Variants in PRKN observed in about 807,000 individuals in gnomAD.
PRKN encodes the protein E3 ubiquitin-protein ligase parkin.
A neutral mutation model predicts 59.5 loss-of-function variants in PRKN; 56 were observed. That is an observed-to-expected ratio of 0.94 (90% CI 0.76 to 1.18). The LOEUF is 1.18. Ranked by LOEUF, PRKN falls within the 50% of genes most tolerant of loss-of-function variation. The pLI, the probability that PRKN is intolerant of heterozygous loss-of-function variation, is 0.00. For missense variants in PRKN, 657 were observed against 596.4 expected, an observed-to-expected ratio of 1.10 and a Z score of -1.06; for synonymous variants, 250 against 222.1, an observed-to-expected ratio of 1.13 and a Z score of -1.12.
At chr6:162,338,179 T>C (rs1783935068) in intron 2 of PRKN, among the ~76,000 whole-genome samples, 2 of 152,144 alleles carry the variant, frequency 1.3e-5, no homozygotes, top group Non-Finnish European at 2.9e-5. Flanking sequence ...TGTACAATTA[T>C]AACCACAGCA....
chr6:162,027,310 T>C (rs539733937), intron 5 of PRKN, among the ~76,000 whole-genome samples: 8 of 150,150 alleles, frequency 5.3e-5, no homozygotes, highest in Middle Eastern at 3.4e-3. Context: ...AATCTTGACA[T>C]GTTTCAATGT....
intron 2 of PRKN, among the ~76,000 whole-genome samples, chr6:162,421,596 A>C (rs1005104192): frequency 1.3e-5 from 2 of 152,218 alleles, no homozygotes; most frequent in African/African-American, 4.8e-5. Flanking sequence ...ATCATTGTCT[A>C]TTAACTCAGG....
intron 1 of PRKN, among the ~76,000 whole-genome samples, chr6:162,583,334 T>TAGCCTTTAG (rs1780863349): frequency 6.6e-6 from 1 of 152,142 alleles, no homozygotes; most frequent in Non-Finnish European, 1.5e-5. Context: ...TAGAAAGAGG[T>TAGCCTTTAG]ATAGGGTTTA....
chr6:162,319,547 C>T (rs1274134040), intron 2 of PRKN, among the ~76,000 whole-genome samples: 1 of 151,954 alleles, frequency 6.6e-6, no homozygotes, highest in Non-Finnish European at 1.5e-5. Flanking sequence ...TTAAAATTTT[C>T]CCCAATAAGG....
intron 10 of PRKN, among the ~76,000 whole-genome samples, chr6:161,374,553 G>GTAT (rs1785580194): frequency 9.1e-6 from 1 of 109,982 alleles, no homozygotes; most frequent in Admixed American, 9.7e-5. Context: ...TGTGGTGTGT[G>GTAT]ATGTGTGTGT....
rs147756270 is a variant in PRKN, at chr6:161,545,427, C to T, written c.1083+3427G>A. 2,478 of 1,610,606 alleles carry T rather than the reference C, an allele frequency of 1.5e-3. 26 individuals carry two copies. The African/African-American group carries it at 0.03, about 19-fold the overall frequency. On this transcript the variant is annotated intron_variant, in intron 9 of 11. Coordinates refer to ENST00000366898, the MANE Select transcript of PRKN (RefSeq NM_004562.3). The surrounding 1 kb of genome is among the most constrained non-coding windows in gnomAD (Gnocchi z 4.1). ...CCCTGAGGCAGCTTATTTTGTTCTT[C>T]GTTGTCCATACTGTGAGAGCAAAGA... is the stretch of plus-strand genomic sequence containing the variant.
chr6:162,559,760 T>C (rs1490757185), intron 1 of PRKN, among the ~76,000 whole-genome samples: 1 of 152,238 alleles, frequency 6.6e-6, no homozygotes, highest in East Asian at 1.9e-4. Context: ...TAGCCTCTTA[T>C]TCCTCACCAG....
intron 2 of PRKN, among the ~76,000 whole-genome samples, chr6:162,306,496 C>A (rs560745420): frequency 6.6e-6 from 1 of 152,286 alleles, no homozygotes; most frequent in East Asian, 1.9e-4. Flanking sequence ...AATCCCTACA[C>A]GTGCTGTAGA....
intron 5 of PRKN, among the ~76,000 whole-genome samples, chr6:161,987,842 C>A (rs1389018739): frequency 6.6e-6 from 1 of 152,156 alleles, no homozygotes; most frequent in Non-Finnish European, 1.5e-5. Context: ...TATCTCTCCT[C>A]TATTTTTTGA....
Position 161,447,714 on chromosome 6 carries a change from C to T in PRKN, c.1084-60837G>A, listed in dbSNP as rs542515147. Among the ~76,000 whole-genome samples, 5 of 152,276 alleles carry T rather than the reference C, an allele frequency of 3.3e-5. No individual in the cohort carries two copies. The highest frequency in any genetic ancestry group is 3.9e-4 in the East Asian group (2 of 5,178). ...TTCACCGTGTAAGCTAGGATGGTCT[C>T]GATCTCCTGACCTCATGATCAGCCC... On this transcript the variant is annotated intron_variant, in intron 9 of 11. Transcript: ENST00000366898. This position sits in a 1 kb window ranked among gnomAD's most constrained non-coding sequence, Gnocchi z 4.1.
chr6:161,826,488 T>C (rs377509152), intron 6 of PRKN, among the ~76,000 whole-genome samples: 1 of 152,204 alleles, frequency 6.6e-6, no homozygotes, highest in African/African-American at 2.4e-5. Flanking sequence ...CCCATTAATG[T>C]ACAAATGCAA....
chr6:162,335,984 T>C (rs1048588956), intron 2 of PRKN, among the ~76,000 whole-genome samples: 2 of 151,384 alleles, frequency 1.3e-5, no homozygotes, highest in African/African-American at 4.9e-5. Flanking sequence ...GCCACACACC[T>C]TGGCTTTCTC....
intron 9 of PRKN, among the ~76,000 whole-genome samples, chr6:161,494,909 G>C (rs919453224): frequency 6.6e-6 from 1 of 152,060 alleles, no homozygotes; most frequent in Non-Finnish European, 1.5e-5. Flanking sequence ...CCCTTGCTCC[G>C]CCTTGAACTC....
chr6:162,726,271 T>G (rs539641753), intron 1 of PRKN, among the ~76,000 whole-genome samples: 73 of 152,360 alleles, frequency 4.8e-4, no homozygotes, highest in African/African-American at 1.6e-3. Context: ...TGTATTTAAC[T>G]GTCTTCAAAA....
chr6:161,659,928 C>T (rs1784483571), intron 7 of PRKN, among the ~76,000 whole-genome samples: 1 of 152,114 alleles, frequency 6.6e-6, no homozygotes, highest in African/African-American at 2.4e-5. Flanking sequence ...TTACCGAGTT[C>T]ATACAGTCAG....
In PRKN at chr6:161,724,775, A is replaced by G. The variant is rs140164750; in HGVS notation, c.871+60997T>C. Among the ~76,000 whole-genome samples the G allele has an allele frequency of 3.7e-4, 56 of 152,344 alleles. 1 individual carries two copies. The East Asian group carries it at 5.8e-3, about 16-fold the overall frequency. On this transcript the variant is annotated intron_variant, in intron 7 of 11. Coordinates refer to ENST00000366898, the MANE Select transcript of PRKN (RefSeq NM_004562.3). ...CACCAATTATTAGAATGATAATATCAATAACTAAAGTTTAATTGTGGGTGA... is the reference window on the plus strand; with the variant it reads ...CACCAATTATTAGAATGATAATATCGATAACTAAAGTTTAATTGTGGGTGA...
At chr6:162,568,730 C>A in intron 1 of PRKN, 1 of 759,176 alleles carries the variant, frequency 1.3e-6, no homozygotes, top group South Asian at 1.3e-5. Context: ...GCAACATGTT[C>A]AAGAGCTACA....
intron 2 of PRKN, among the ~76,000 whole-genome samples, chr6:162,425,929 C>T (rs916302172): frequency 2.0e-5 from 3 of 152,102 alleles, no homozygotes; most frequent in Admixed American, 6.6e-5. Flanking sequence ...GATGTGATAG[C>T]GACTAACCAC....
chr6:161,349,857 A>C lies in PRKN; in HGVS notation c.*242T>G. 1 of 577,440 alleles carries C rather than the reference A, an allele frequency of 1.7e-6. No homozygotes were observed. Among genetic ancestry groups the C allele is most frequent in the Non-Finnish European group, 3.2e-6 (1 of 317,386 alleles). 35.8% of individuals were successfully genotyped at this position (577,440 alleles called of 1,614,324 possible). On this transcript the variant is annotated 3_prime_UTR_variant, in exon 12 of 12. Transcript: ENST00000366898. The surrounding 1 kb of genome is among the most constrained non-coding windows in gnomAD (Gnocchi z 5.5). ...GATGGCTCTGCTGTCTTGTGTGGAC[A>C]AACTGAAAGGGATTCAGGAGCTTCT...
Sources: allele counts gnomAD v4.1 joint callset (sites outside exome capture counted in the v4.1 genomes callset), GRCh38; gene constraint gnomAD v4.1.1; non-coding constraint Gnocchi (gnomAD v3.1); transcripts MANE v1.5; gene names NCBI Gene and HGNC (gene_info 2026-07-23, HGNC 2026-07-21).